The following EXOC7 variants were observed in gnomAD, a reference collection of about 807,000 sequenced individuals.
EXOC7 encodes exocyst complex component 7.
EXOC7 carries 51 observed loss-of-function variants against 87.6 expected under a neutral mutation model. The observed-to-expected ratio is 0.58, with a 90% confidence interval of 0.46 to 0.73. The LOEUF is 0.73. Among genes scored for constraint, EXOC7 ranks in the 30% least tolerant of loss-of-function variants. The pLI is 0.00. For missense variants in EXOC7, 744 were observed against 888.4 expected (o/e 0.84, Z 2.07); for synonymous variants, 327 against 357.1 (o/e 0.92, Z 0.95).
rs749917965 is a variant in EXOC7, at chr17:76,103,711, TC to T, written c.-20del. ...GAATCATCGCTCTGAACCCCGCGGCTCCCACTCCCCAGTATCTTTCCTCCGC... is the reference window on the plus strand; with the variant it reads ...GAATCATCGCTCTGAACCCCGCGGCTCCACTCCCCAGTATCTTTCCTCCGC... On this transcript the variant is annotated 5_prime_UTR_variant, in exon 1 of 19. Transcript: ENST00000589210. 21 of 1,597,036 alleles carry T rather than the reference TC, an allele frequency of 1.3e-5. No homozygotes were observed. The Middle Eastern group carries it at 5.1e-4, about 39-fold the overall frequency.
rs568076253 is a variant in EXOC7, at chr17:76,096,402, C to G, written c.640+1394G>C. The stretch of plus-strand genomic sequence containing the variant: ...TGGTGGCGGGCACCTGTAACCCCAG[C>G]TACTTGGGAGGCTGAGGCAGAATTG... On this transcript the variant is annotated intron_variant, in intron 5 of 18. Transcript: ENST00000589210. Among the ~76,000 whole-genome samples, 5 of 151,138 alleles carry G rather than the reference C, an allele frequency of 3.3e-5. No homozygotes were observed. In the South Asian group the frequency reaches 1.0e-3, roughly 32 times the overall value.
In EXOC7 at chr17:76,084,254, AC is replaced by A; in HGVS notation, c.1811del (p.Arg604LeufsTer72). 1 of 1,613,334 alleles carries A rather than the reference AC, an allele frequency of 6.2e-7. No individual in the cohort carries two copies. Among genetic ancestry groups the A allele is most frequent in the Non-Finnish European group, 8.5e-7 (1 of 1,179,888 alleles). On this transcript the variant is annotated frameshift_variant, in exon 17 of 19. Transcript: ENST00000589210. LOFTEE classifies it high-confidence loss of function. ...GGAGAGGACCCCGACTCACCTTAAA[AC>A]GCTCCTTGATAATCTGCCGCTCCTT... The part of the protein sequence containing the change: ...RDKERQIIKE[R>X]FKGFNDGLEE...
chr17:76,082,022 G>C lies in EXOC7; in HGVS notation c.*1626C>G. 6.2e-7 allele frequency: 1 copy of C among 1,610,550 alleles called. No individual in the cohort carries two copies. The highest frequency in any genetic ancestry group is 8.5e-7 in the Non-Finnish European group (1 of 1,179,000). ...CCCGAGAGGGGAACAGCGAGAGCAC[G>C]GCAACCCAGGGCCTCATCCTGCTGA... On this transcript the variant is annotated 3_prime_UTR_variant, in exon 19 of 19. Transcript: ENST00000589210.
intron 4 of EXOC7, among the ~76,000 whole-genome samples, chr17:76,100,356 G>A (rs190015482): frequency 3.3e-5 from 5 of 152,044 alleles, no homozygotes; most frequent in Non-Finnish European, 5.9e-5. Flanking sequence ...GGCCAGGCAC[G>A]GTGGCTCACA....
chr17:76,094,093 G>C lies in EXOC7; in HGVS notation c.808+321C>G, dbSNP rs563689555. The C allele has an allele frequency of 4.7e-5, 11 of 234,170 alleles. No homozygotes were observed. In the East Asian group the frequency reaches 9.0e-4, roughly 19 times the overall value. 14.5% of individuals were successfully genotyped at this position (234,170 alleles called of 1,614,324 possible). A position where few individuals can be genotyped will look rare whatever the true frequency, so the allele number is the denominator to read the frequency against. On this transcript the variant is annotated intron_variant, in intron 6 of 18. Coordinates refer to ENST00000589210, the MANE Select transcript of EXOC7 (RefSeq NM_001013839.4). ...GCTGCAGTAGTGTGCCTGGCCTTCT[G>C]ACAGGGCGACGTGTGTGTGAGGGAG...
chr17:76,086,213 C>T, intron 12 of EXOC7, 68 bp from the exon 13 acceptor site: 1 of 1,478,368 alleles, frequency 6.8e-7, no homozygotes, highest in Middle Eastern at 2.1e-4. Context: ...TTCCCCCAGG[C>T]CATGCAGCAG....
In EXOC7 at chr17:76,091,242, C is replaced by G. The variant is rs770685228; in HGVS notation, c.809-7G>C. The G allele has an allele frequency of 1.2e-6, 2 of 1,613,194 alleles. No homozygotes were observed. The highest frequency in any genetic ancestry group is 8.5e-7 in the Non-Finnish European group (1 of 1,179,214). ...TGAGCCTTACGGATCGTCCCTGTCA[C>G]CAGAGCCACACAGAGAGGAGATAAG... On this transcript the variant is annotated splice_polypyrimidine_tract_variant and splice_region_variant and intron_variant, in intron 6 of 18. Coordinates refer to ENST00000589210, the MANE Select transcript of EXOC7 (RefSeq NM_001013839.4).
chr17:76,085,701 T>C lies in EXOC7; in HGVS notation c.1592A>G (p.Asn531Ser). 2.5e-6 allele frequency: 4 copies of C among 1,614,026 alleles called. No individual in the cohort carries two copies. The highest frequency in any genetic ancestry group is 1.1e-5 in the South Asian group (1 of 91,068). The change falls in exon 14 of 19, where the codon AAT becomes AGT. Residue 531 changes from asparagine to serine, a missense_variant. By Grantham distance (46) the Asn-to-Ser change is conservative. This residue lies in a region of EXOC7 where 228 missense variants were observed against 298.6 expected (regional missense o/e 0.76). Coordinates refer to ENST00000589210, the MANE Select transcript of EXOC7 (RefSeq NM_001013839.4). ...CTTCTCCAGGGACTTGAGGATGTAA[T>C]TGTAGTTGTTGTGCAGGAAGATGGC... ...LSAIFLHNNY[N>S]YILKSLEKSE...
At chr17:76,096,706 G>A (rs575632228) in intron 5 of EXOC7, among the ~76,000 whole-genome samples, 7 of 152,006 alleles carry the variant, frequency 4.6e-5, no homozygotes, top group African/African-American at 9.6e-5. Context: ...ACAGGCATGC[G>A]CCACCACGCC....
intron 2 of EXOC7, chr17:76,102,966 T>C (rs1490753103): frequency 1.1e-5 from 2 of 183,524 alleles, no homozygotes; most frequent in African/African-American, 2.4e-5. Context: ...CCTAAAGTCC[T>C]CTGGAGTGAA....
intron 18 of EXOC7, 37 bp downstream of exon 18, chr17:76,083,969 T>G: frequency 6.6e-7 from 1 of 1,517,828 alleles, no homozygotes; most frequent in South Asian, 1.3e-5. Flanking sequence ...ACTGGGGCTG[T>G]GGGCAGCACA....
rs760709824 is a variant in EXOC7, at chr17:76,089,329, T to C, written c.902-9A>G. On this transcript the variant is annotated splice_polypyrimidine_tract_variant and intron_variant, in intron 7 of 18. Coordinates refer to ENST00000589210, the MANE Select transcript of EXOC7 (RefSeq NM_001013839.4). ...CAGCATGTCATCTCTCCCTGGGGGA[T>C]GGCACAACTCTTGAGCTGCTGGTCT... The C allele has an allele frequency of 2.5e-6, 4 of 1,613,476 alleles. No homozygotes were observed. The highest frequency in any genetic ancestry group is 2.2e-5 in the South Asian group (2 of 91,090).
rs1243927874 is a variant in EXOC7 at position 76,087,735 on chromosome 17, A to G, written c.1363-15T>C. The stretch of plus-strand genomic sequence containing the variant: ...AAGAGGATGGCCTGGGTGGGAAGAA[A>G]ACGGTGCAGAAGGGCAAGTGGCAGG... On this transcript the variant is annotated splice_polypyrimidine_tract_variant and intron_variant, in intron 11 of 18. Coordinates refer to ENST00000589210, the MANE Select transcript of EXOC7 (RefSeq NM_001013839.4). 13 of 1,550,496 alleles carry G rather than the reference A, an allele frequency of 8.4e-6. No individual in the cohort carries two copies. Among genetic ancestry groups the G allele is most frequent in the Non-Finnish European group, 1.1e-5 (13 of 1,146,924 alleles).
intron 4 of EXOC7, 74 bp from the exon 5 acceptor site, chr17:76,098,092 G>A (rs1160033623): frequency 7.4e-7 from 1 of 1,343,006 alleles, no homozygotes; most frequent in Non-Finnish European, 1.1e-6. Context: ...CCCTGCCTGT[G>A]CCAGCTCTGT....
At position 76,081,953 on chromosome 17, in the gene EXOC7, C is replaced by T; in HGVS notation, c.*1695G>A. ...AGAGACTGTGCTGCTGGCTGGGCTG[C>T]TGGCCCGGGGCAACCTTGGGGCCAA... On this transcript the variant is annotated 3_prime_UTR_variant, in exon 19 of 19. Coordinates refer to ENST00000589210, the MANE Select transcript of EXOC7 (RefSeq NM_001013839.4). 6.2e-7 allele frequency: 1 copy of T among 1,613,022 alleles called. No homozygotes were observed. The highest frequency in any genetic ancestry group is 8.5e-7 in the Non-Finnish European group (1 of 1,179,864).
intron 12 of EXOC7, chr17:76,087,041 A>G: frequency 1.5e-6 from 1 of 664,066 alleles, no homozygotes; most frequent in Non-Finnish European, 2.7e-6. Context: ...ACAGATAGCA[A>G]GACACAGCAG....
intron 2 of EXOC7, chr17:76,103,057 G>C (rs1197654683): frequency 4.8e-6 from 2 of 416,404 alleles, no homozygotes; most frequent in Non-Finnish European, 8.9e-6. Flanking sequence ...CATATGCCCA[G>C]TACCTAGCCC....
At chr17:76,091,458 T>G in intron 6 of EXOC7, 1 of 548,478 alleles carries the variant, frequency 1.8e-6, no homozygotes, top group Non-Finnish European at 3.3e-6. Flanking sequence ...CTCCTTGTTC[T>G]GGATTTCAGC....
intron 7 of EXOC7, chr17:76,090,573 G>A (rs2067433870): frequency 1.6e-6 from 2 of 1,270,496 alleles, no homozygotes; most frequent in African/African-American, 1.5e-5. Context: ...GCCACCTTGG[G>A]AACAGCCGTT....
Sources: gnomAD v4.1 joint callset for allele counts (sites outside exome capture counted in the v4.1 genomes callset) on GRCh38, gnomAD v4.1.1 for gene constraint, gnomAD v4.1.1 regional missense constraint, MANE v1.5 for transcripts, NCBI Gene and HGNC (gene_info 2026-07-23, HGNC 2026-07-21) for gene names.